HKDC1: variants seen among roughly 807,000 people sequenced by gnomAD.
HKDC1 encodes hexokinase HKDC1.
Under a neutral mutation model 96.6 loss-of-function variants are expected in HKDC1, and 66 were observed. The ratio of observed to expected loss-of-function variants is 0.68; its 90% CI spans 0.56 to 0.84. The LOEUF (loss-of-function observed/expected upper bound fraction) is 0.84. HKDC1 is among the 40% of genes least tolerant of loss of function. The pLI is 0.00. For missense variants in HKDC1, 1,211 were observed against 1,208.1 expected (o/e 1.00, Z -0.04); for synonymous variants, 466 against 473.1 (o/e 0.98, Z 0.20).
intron 6 of HKDC1, among the ~76,000 whole-genome samples, chr10:69,242,283 T>C (rs901510653): frequency 4.5e-4 from 59 of 131,612 alleles, no homozygotes; most frequent in South Asian, 6.9e-4. Context: ...TAACCACAGA[T>C]TGGGGGGGCC....
chr10:69,225,907 G>A (rs5030944), intron 1 of HKDC1: 14,171 of 152,292 alleles, frequency 0.093, 734 homozygotes, highest in South Asian at 0.14. Flanking sequence ...GACGCACTCT[G>A]TAGACAGTAG....
chr10:69,239,540 C>T (rs552764345), intron 5 of HKDC1, among the ~76,000 whole-genome samples: 20 of 152,152 alleles, frequency 1.3e-4, no homozygotes, highest in Non-Finnish European at 2.8e-4. Context: ...ACTGTCCACT[C>T]CCTGTCCATT....
chr10:69,232,297 C>T, intron 2 of HKDC1: 1 of 170,324 alleles, frequency 5.9e-6, no homozygotes, highest in Non-Finnish European at 1.3e-5. Context: ...GGAGTGTTTT[C>T]CCTCTGCCCA....
rs369442663 is a variant in HKDC1, at chr10:69,240,716, A to G, written c.656A>G (p.Tyr219Cys). 3.1e-6 allele frequency: 5 copies of G among 1,613,954 alleles called. No individual in the cohort carries two copies. In the African/African-American group the frequency reaches 6.7e-5, roughly 22 times the overall value. The change falls in exon 6 of 18, where the codon TAT (tyrosine) becomes TGT (cysteine). Residue 219 changes from tyrosine to cysteine, a missense_variant. By Grantham distance (194) the Tyr-to-Cys change is radical. Coordinates refer to ENST00000354624, the MANE Select transcript of HKDC1 (RefSeq NM_025130.4). ...GTGGGGACCATGATGACCTGTGCCT[A>G]TGACGACCCCTACTGCGAAGTTGGT... ...DTVGTMMTCA[Y>C]DDPYCEVGVI...
rs768472931 is a variant in HKDC1, at chr10:69,265,711, C to T, written c.2499C>T (p.Cys833=). 6.8e-6 allele frequency: 11 copies of T among 1,612,654 alleles called. No individual in the cohort carries two copies. The highest frequency in any genetic ancestry group is 2.7e-5 in the African/African-American group (2 of 74,870). ...GAVSRRAAQL[C]GAGLAAIVEK... ...TGTCCCGGCGGGCGGCCCAGCTCTG[C>T]GGTGCTGGCCTGGCCGCTATAGTGG... Residue 833 remains cysteine (C), a synonymous_variant, in exon 17 of 18, where the codon TGC becomes TGT. Coordinates refer to ENST00000354624, the MANE Select transcript of HKDC1 (RefSeq NM_025130.4).
chr10:69,264,430 G>A (rs972440164), intron 16 of HKDC1, among the ~76,000 whole-genome samples: 1 of 150,966 alleles, frequency 6.6e-6, no homozygotes, highest in Non-Finnish European at 1.5e-5. Flanking sequence ...CTGGAGTACA[G>A]TGGTATGATC....
At chr10:69,240,268 A>G (rs796178297) in intron 5 of HKDC1, among the ~76,000 whole-genome samples, 3 of 152,236 alleles carry the variant, frequency 2.0e-5, no homozygotes, top group African/African-American at 7.2e-5. Flanking sequence ...CTATGTTTGT[A>G]CCTGTGAACA....
At chr10:69,253,267 G>A (rs545748754) in intron 12 of HKDC1, among the ~76,000 whole-genome samples, 71 of 152,242 alleles carry the variant, frequency 4.7e-4, no homozygotes, top group African/African-American at 1.6e-3. Context: ...GAGTGAGGCT[G>A]GGCCTTTGCA....
chr10:69,223,478 CA>C (rs376496541), intron 1 of HKDC1, among the ~76,000 whole-genome samples: 223 of 152,116 alleles, frequency 1.5e-3, no homozygotes, highest in African/African-American at 5.2e-3. Flanking sequence ...TCTTAATATC[CA>C]ATCAAGTGGA....
intron 8 of HKDC1, among the ~76,000 whole-genome samples, chr10:69,246,611 C>T (rs1009477443): frequency 3.3e-5 from 5 of 152,210 alleles, no homozygotes; most frequent in African/African-American, 1.2e-4. Flanking sequence ...TCAGGGCATC[C>T]TTGGACACTA....
At chr10:69,232,689 C>T in intron 2 of HKDC1, 75 bp from the exon 3 acceptor site, 1 of 1,359,410 alleles carries the variant, frequency 7.4e-7, no homozygotes, top group Non-Finnish European at 1.0e-6. Flanking sequence ...GATTATATGT[C>T]CAACCTCTAA....
Position 69,267,375 on chromosome 10 carries a change from C to A in HKDC1, c.*618C>A. 2.4e-6 allele frequency: 1 copy of A among 421,478 alleles called. No homozygotes were observed. 26.1% of individuals were successfully genotyped at this position (421,478 alleles called of 1,614,324 possible). ...ATTGCATGCTTAAAGCGAGTTATGT[C>A]AGCACCCTGTAGGATTTTGTTCCTT... On this transcript the variant is annotated 3_prime_UTR_variant, in exon 18 of 18. Transcript: ENST00000354624.
At position 69,250,514 on chromosome 10, in the gene HKDC1, G is replaced by GCT. The variant is rs759114256; in HGVS notation, c.1717-6_1717-5dup. On this transcript the variant is annotated intron_variant, in intron 11 of 17. Coordinates refer to ENST00000354624, the MANE Select transcript of HKDC1 (RefSeq NM_025130.4). ...TCGATGTCCGCCTGGTGTGAATGCC[G>GCT]CTCTCTCTCTCTCTGCAGCTCTTTG... The GCT allele has an allele frequency of 9.2e-5, 146 of 1,591,176 alleles. No homozygotes were observed. The highest frequency in any genetic ancestry group is 8.1e-4 in the East Asian group (36 of 44,184).
intron 2 of HKDC1, among the ~76,000 whole-genome samples, chr10:69,230,122 C>T (rs1191473436): frequency 6.6e-6 from 1 of 152,216 alleles, no homozygotes; most frequent in East Asian, 1.9e-4. Context: ...TTAGTTACCA[C>T]CCAGCCTTTT....
Position 69,250,800 on chromosome 10 carries a change from A to G in HKDC1, c.1836+148A>G, listed in dbSNP as rs143082741. The G allele has an allele frequency of 1.0e-5, 9 of 858,370 alleles. No individual in the cohort carries two copies. In the African/African-American group the frequency reaches 1.5e-4, roughly 15 times the overall value. 53.2% of individuals were successfully genotyped at this position (858,370 alleles called of 1,614,324 possible). A position where few individuals can be genotyped will look rare whatever the true frequency, so the allele number is the denominator to read the frequency against. On this transcript the variant is annotated intron_variant, in intron 12 of 17. Coordinates refer to ENST00000354624, the MANE Select transcript of HKDC1 (RefSeq NM_025130.4). Reference sequence around the variant, plus strand: ...GAACACATGATAGAGAATTTCAACAATTTAATTTTTAATCAATTTATCACG... The same window carrying G: ...GAACACATGATAGAGAATTTCAACAGTTTAATTTTTAATCAATTTATCACG...
At chr10:69,245,409 A>T (rs2132355593) in intron 7 of HKDC1, among the ~76,000 whole-genome samples, 1 of 151,832 alleles carries the variant, frequency 6.6e-6, no homozygotes, top group Non-Finnish European at 1.5e-5. Context: ...ACATAATTAG[A>T]TCCTGTCTCT....
rs560745202 is a variant in HKDC1, at chr10:69,248,826, C to T, written c.1570+98C>T. On this transcript the variant is annotated intron_variant, in intron 10 of 17. Transcript: ENST00000354624. Reference sequence around the variant, plus strand: ...TTCTTGGTTTTTAGAAACTTGGGTTCACGTCTCTAATGGAGGGCAAGAGTA... The same window carrying T: ...TTCTTGGTTTTTAGAAACTTGGGTTTACGTCTCTAATGGAGGGCAAGAGTA... 19 of 1,147,964 alleles carry T rather than the reference C, an allele frequency of 1.7e-5. 2 individuals are homozygous for T. In the African/African-American group the frequency reaches 2.3e-4, roughly 14 times the overall value. 71.1% of individuals were successfully genotyped at this position (1,147,964 alleles called of 1,614,324 possible).
At chr10:69,244,941 G>T (rs533784596) in intron 7 of HKDC1, among the ~76,000 whole-genome samples, 1 of 151,680 alleles carries the variant, frequency 6.6e-6, no homozygotes, top group Non-Finnish European at 1.5e-5. Flanking sequence ...TCACTCTGTC[G>T]CCAAGGCTGG....
At chr10:69,264,848 CA>C (rs1241104351) in intron 16 of HKDC1, among the ~76,000 whole-genome samples, 2 of 152,186 alleles carry the variant, frequency 1.3e-5, no homozygotes, top group Non-Finnish European at 2.9e-5. Context: ...GTGTGGGAGT[CA>C]GGGCTCCGTT....
Sources: gnomAD v4.1 joint callset for allele counts (sites outside exome capture counted in the v4.1 genomes callset) on GRCh38, gnomAD v4.1.1 for gene constraint, MANE v1.5 for transcripts, NCBI Gene and HGNC (gene_info 2026-07-23, HGNC 2026-07-21) for gene names.